Variants in RANBP2 observed in about 807,000 individuals in gnomAD.
RANBP2 encodes RAN binding protein 2.
In RANBP2, 57 loss-of-function variants were observed where a neutral mutation model predicts 303.6. That is an observed-to-expected ratio of 0.19 (90% CI 0.15 to 0.23). The LOEUF (loss-of-function observed/expected upper bound fraction) is 0.23. Ranked by LOEUF, RANBP2 falls within the 10% of genes least tolerant of loss-of-function variation. RANBP2 has a pLI of 1.00. For missense variants in RANBP2, 3,138 were observed against 3,780.8 expected, an observed-to-expected ratio of 0.83 and a Z score of 4.46; for synonymous variants, 1,167 against 1,301.5, an observed-to-expected ratio of 0.90 and a Z score of 2.23.
chr2:109,462,643 A>G, the RANBP2 span, among the ~76,000 whole-genome samples: 2 of 152,222 alleles, frequency 1.3e-5, no homozygotes, highest in African/African-American at 2.4e-5. Context: ...GAGGCAGGTT[A>G]GTGGCTTCCA....
the RANBP2 span, chr2:108,873,717 A>G: frequency 3.0e-5 from 18 of 590,474 alleles, no homozygotes; most frequent in African/African-American, 2.8e-4. Flanking sequence ...TGTGCCACAC[A>G]TAAAATACGC....
chr2:109,263,928 C>T, the RANBP2 span, among the ~76,000 whole-genome samples: 10 of 152,338 alleles, frequency 6.6e-5, no homozygotes, highest in African/African-American at 2.4e-4. Context: ...AAGATCGTGC[C>T]ACTGCACTCC....
chr2:109,658,453 A>G, the RANBP2 span, among the ~76,000 whole-genome samples: 4 of 152,114 alleles, frequency 2.6e-5, no homozygotes, highest in South Asian at 2.1e-4. Flanking sequence ...TCAAAAAAAA[A>G]AGAAAAAGAT....
At chr2:108,798,321 T>C in the RANBP2 span, 8 of 1,206,750 alleles carry the variant, frequency 6.6e-6, no homozygotes, top group South Asian at 1.1e-4. Context: ...TAGGTACCCC[T>C]GTATTCCTGA....
At chr2:108,813,800 T>C in the RANBP2 span, among the ~76,000 whole-genome samples, 1 of 152,230 alleles carries the variant, frequency 6.6e-6, no homozygotes, top group Non-Finnish European at 1.5e-5. Flanking sequence ...GGTCATTCTT[T>C]TCTGCCAGAA....
the RANBP2 span, among the ~76,000 whole-genome samples, chr2:109,731,584 AG>A: frequency 6.6e-6 from 1 of 151,902 alleles, no homozygotes; most frequent in Non-Finnish European, 1.5e-5. Context: ...TAGTAGAGAC[AG>A]GGTTTCACCA....
At chr2:109,354,007 G>A in the RANBP2 span, among the ~76,000 whole-genome samples, 2 of 152,192 alleles carry the variant, frequency 1.3e-5, no homozygotes, top group Non-Finnish European at 2.9e-5. Context: ...GTGACAGCAG[G>A]ACAAAGATGC....
chr2:108,843,843 T>TG, the RANBP2 span, among the ~76,000 whole-genome samples: 12 of 68,036 alleles, frequency 1.8e-4, no homozygotes, highest in African/African-American at 4.6e-4. Flanking sequence ...AAGTTCATGT[T>TG]TTGTGTGTGT....
the RANBP2 span, among the ~76,000 whole-genome samples, chr2:108,842,155 G>GCC: frequency 2.6e-4 from 40 of 151,840 alleles, no homozygotes; most frequent in African/African-American, 9.7e-4. Context: ...AGCCTCCTGT[G>GCC]TAGCTAGGAT....
the RANBP2 span, among the ~76,000 whole-genome samples, chr2:109,393,684 T>G: frequency 2.0e-5 from 3 of 151,988 alleles, no homozygotes; most frequent in Admixed American, 2.0e-4. Context: ...CCCTCCCTTG[T>G]ATCGCGCTCC....
chr2:109,550,322 T>C, the RANBP2 span, among the ~76,000 whole-genome samples: 1 of 148,688 alleles, frequency 6.7e-6, no homozygotes, highest in African/African-American at 2.6e-5. Flanking sequence ...TTTTTTTTTT[T>C]TGTTTTTTGA....
At chr2:109,040,841 G>A in the RANBP2 span, among the ~76,000 whole-genome samples, 1 of 152,144 alleles carries the variant, frequency 6.6e-6, no homozygotes, top group Non-Finnish European at 1.5e-5. Flanking sequence ...GGATCACAAG[G>A]TCAGGAGATC....
chr2:109,585,726 C>G, the RANBP2 span: 4 of 1,610,266 alleles, frequency 2.5e-6, no homozygotes, highest in African/African-American at 4.0e-5. Context: ...CGTACCCACA[C>G]AGAGAATATT....
the RANBP2 span, among the ~76,000 whole-genome samples, chr2:109,736,680 G>A: frequency 6.6e-6 from 1 of 152,058 alleles, no homozygotes; most frequent in East Asian, 1.9e-4. Context: ...TAAGACGAAT[G>A]GCCCAGAAAC....
intron 18 of RANBP2, among the ~76,000 whole-genome samples, chr2:108,759,557 G>A (rs559028870): frequency 6.6e-6 from 1 of 152,248 alleles, no homozygotes; most frequent in Admixed American, 6.5e-5. Flanking sequence ...GCACATTTGT[G>A]TGATGGTTCA....
At chr2:109,247,832 G>A in the RANBP2 span, among the ~76,000 whole-genome samples, 3 of 152,190 alleles carry the variant, frequency 2.0e-5, no homozygotes, top group Admixed American at 2.0e-4. Context: ...CAGCAAGGAT[G>A]GCCTGGGTTC....
chr2:109,249,513 C>CTTTCTT, the RANBP2 span, among the ~76,000 whole-genome samples: 10 of 43,640 alleles, frequency 2.3e-4, no homozygotes, highest in South Asian at 2.3e-3. Flanking sequence ...TTCTTTCATT[C>CTTTCTT]TTTCTTTTTC....
the RANBP2 span, among the ~76,000 whole-genome samples, chr2:109,773,132 C>T: frequency 1.3e-5 from 2 of 152,182 alleles, no homozygotes; most frequent in Non-Finnish European, 2.9e-5. Flanking sequence ...CATACAGGTG[C>T]TGGTGAAAGC....
chr2:108,768,374 A>C lies in RANBP2; in HGVS notation c.7835A>C (p.Lys2612Thr), dbSNP rs746057212. The change falls in exon 20 of 29, where the codon AAA becomes ACA. Residue 2612 changes from lysine to threonine, a missense_variant. Around this residue, in one of 20 missense-constraint regions of RANBP2, gnomAD observed 497 missense variants for 465.8 expected, o/e 1.07. Transcript: ENST00000283195. The part of the protein sequence containing the change: ...TEESSINYTF[K>T]TPEKAKEKKK... ...GAATCTTCAATCAACTACACATTTA[A>C]AACACCAGAAAAGGGTAAGTACTTT... 1.9e-6 allele frequency: 3 copies of C among 1,611,580 alleles called. No individual in the cohort carries two copies. Among genetic ancestry groups the C allele is most frequent in the Non-Finnish European group, 2.5e-6 (3 of 1,179,848 alleles).
Sources: allele counts gnomAD v4.1 joint callset (sites outside exome capture counted in the v4.1 genomes callset), GRCh38; gene constraint gnomAD v4.1.1; regional missense constraint gnomAD v4.1.1; transcripts MANE v1.5; gene names NCBI Gene and HGNC (gene_info 2026-07-23, HGNC 2026-07-21).